The following CDYL2 variants were observed in gnomAD, a reference collection of about 807,000 sequenced individuals.
CDYL2 encodes the protein chromodomain Y like 2.
In CDYL2, 23 loss-of-function variants were observed where a neutral mutation model predicts 49.4. That is an observed-to-expected ratio of 0.47 (90% CI 0.34 to 0.66). CDYL2 has a LOEUF of 0.66. CDYL2 is among the 30% of genes least tolerant of loss of function. CDYL2 has a pLI of 0.01. For synonymous variants in CDYL2, 360 were observed against 268.8 expected (o/e 1.34, Z -3.32); for missense variants, 678 against 656.4 (o/e 1.03, Z -0.36).
rs576812491 is a variant in CDYL2, at chr16:80,735,626, C to T, written c.25-50497G>A. Among the ~76,000 whole-genome samples the T allele has an allele frequency of 2.0e-5, 3 of 152,270 alleles. No homozygotes were observed. In the East Asian group the frequency reaches 5.8e-4, roughly 29 times the overall value. On this transcript the variant is annotated intron_variant, in intron 1 of 6. Transcript: ENST00000570137. ...CAGCCCAGACCCCCAGGGAATGGCCCCCAGGCTCCAACTAGAGCTCTGGTG... is the reference window on the plus strand; with the variant it reads ...CAGCCCAGACCCCCAGGGAATGGCCTCCAGGCTCCAACTAGAGCTCTGGTG...
intron 4 of CDYL2, among the ~76,000 whole-genome samples, chr16:80,618,370 G>A (rs986895229): frequency 5.3e-5 from 8 of 152,212 alleles, no homozygotes; most frequent in Admixed American, 1.3e-4. Flanking sequence ...GTCCAGAGAC[G>A]CACAGATACC....
intron 1 of CDYL2, among the ~76,000 whole-genome samples, chr16:80,718,567 G>A (rs545771582): frequency 3.9e-5 from 6 of 152,278 alleles, no homozygotes; most frequent in Admixed American, 2.0e-4. Flanking sequence ...TTACTGCTCC[G>A]TGACAAGGCA....
intron 1 of CDYL2, among the ~76,000 whole-genome samples, chr16:80,711,323 T>G (rs778322483): frequency 6.6e-6 from 1 of 152,168 alleles, no homozygotes; most frequent in Non-Finnish European, 1.5e-5. Flanking sequence ...TTGAACCATT[T>G]GTGTCAGAAG....
chr16:80,784,787 A>C (rs577155064), intron 1 of CDYL2, among the ~76,000 whole-genome samples: 1 of 152,280 alleles, frequency 6.6e-6, no homozygotes, highest in East Asian at 1.9e-4. Context: ...GATTACAATG[A>C]TCAGTGCTGG....
intron 1 of CDYL2, among the ~76,000 whole-genome samples, chr16:80,751,292 C>G (rs562117798): frequency 1.3e-5 from 2 of 152,314 alleles, no homozygotes; most frequent in East Asian, 3.9e-4. Flanking sequence ...CATTCAAGAG[C>G]TGCCTTGGCA....
intron 1 of CDYL2, among the ~76,000 whole-genome samples, chr16:80,731,080 T>A (rs1158706409): frequency 6.6e-6 from 1 of 152,206 alleles, no homozygotes; most frequent in Non-Finnish European, 1.5e-5. Flanking sequence ...TCAAATGTTA[T>A]GCTTTAAATA....
At chr16:80,698,319 T>C (rs1904284303) in intron 1 of CDYL2, among the ~76,000 whole-genome samples, 1 of 152,002 alleles carries the variant, frequency 6.6e-6, no homozygotes, top group Admixed American at 6.6e-5. Flanking sequence ...AATGAACAAA[T>C]AACCCGCAGA....
At position 80,804,204 on chromosome 16, in the gene CDYL2, G is replaced by T; in HGVS notation, c.-31C>A. ...GCTGCGGAACTTGGCTCGCCGGTGT[G>T]CGCGTCTGCTCGCTCGCGCCCTCCG... On this transcript the variant is annotated 5_prime_UTR_variant, in exon 1 of 7. Transcript: ENST00000570137. The T allele has an allele frequency of 7.5e-7, 1 of 1,340,968 alleles. No homozygotes were observed. Among genetic ancestry groups the T allele is most frequent in the Non-Finnish European group, 9.8e-7 (1 of 1,018,612 alleles). The allele number at this position is 1,340,968 out of a possible 1,614,324, so 83.1% of individuals were successfully genotyped here.
intron 2 of CDYL2, among the ~76,000 whole-genome samples, chr16:80,650,398 C>A (rs950583754): frequency 6.6e-6 from 1 of 152,110 alleles, no homozygotes; most frequent in Admixed American, 6.6e-5. Context: ...AAATGCAAAT[C>A]AAAACTACAA....
Position 80,755,543 on chromosome 16 carries a change from A to G in CDYL2, c.24+48607T>C, listed in dbSNP as rs143955662. On this transcript the variant is annotated intron_variant, in intron 1 of 6. Transcript: ENST00000570137. The stretch of plus-strand genomic sequence containing the variant: ...GGCCAAATCTATCAAAAGCCTAGAA[A>G]ACATCCTTACCCTTTGACCTGCTCA... Among the ~76,000 whole-genome samples the G allele has an allele frequency of 5.3e-3, 802 of 152,328 alleles. 4 individuals are homozygous for G. Among genetic ancestry groups the G allele is most frequent in the African/African-American group, 0.018 (762 of 41,558 alleles).
At chr16:80,762,917 G>A (rs112930568) in intron 1 of CDYL2, among the ~76,000 whole-genome samples, 1 of 152,166 alleles carries the variant, frequency 6.6e-6, no homozygotes, top group Non-Finnish European at 1.5e-5. Flanking sequence ...CAGTACTGCT[G>A]GCCATGAGTT....
chr16:80,704,681 G>T (rs1597088136), intron 1 of CDYL2, among the ~76,000 whole-genome samples: 1 of 152,338 alleles, frequency 6.6e-6, no homozygotes, highest in East Asian at 1.9e-4. Flanking sequence ...GGGCATGCGG[G>T]AGGAGCTCAG....
At chr16:80,604,799 T>C (rs1025396997) in intron 6 of CDYL2, among the ~76,000 whole-genome samples, 1 of 152,214 alleles carries the variant, frequency 6.6e-6, no homozygotes, top group African/African-American at 2.4e-5. Context: ...ACTAGAGGCT[T>C]GCCTGTTGCC....
chr16:80,739,663 C>T (rs1015200225), intron 1 of CDYL2, among the ~76,000 whole-genome samples: 4 of 152,098 alleles, frequency 2.6e-5, no homozygotes, highest in East Asian at 1.9e-4. Flanking sequence ...CCATCCACAC[C>T]GCCACCCACA....
At chr16:80,801,289 C>G (rs1907919773) in intron 1 of CDYL2, among the ~76,000 whole-genome samples, 2 of 152,218 alleles carry the variant, frequency 1.3e-5, no homozygotes, top group South Asian at 4.1e-4. Context: ...CTATCAAGAT[C>G]CAAGATTTTG....
chr16:80,697,722 C>A (rs1422510951), intron 1 of CDYL2, among the ~76,000 whole-genome samples: 2 of 151,966 alleles, frequency 1.3e-5, no homozygotes, highest in Non-Finnish European at 2.9e-5. Context: ...AGTAAAGTTG[C>A]AGGATACAAA....
chr16:80,633,071 G>A lies in CDYL2; in HGVS notation c.782C>T (p.Thr261Met), dbSNP rs778603352. 3.9e-5 allele frequency: 63 copies of A among 1,614,038 alleles called. No homozygotes were observed. Among genetic ancestry groups the A allele is most frequent in the Non-Finnish European group, 4.6e-5 (54 of 1,180,032 alleles). Residue 261 changes from threonine (T) to methionine (M), a missense_variant, in exon 3 of 7, where the codon ACG becomes ATG. Transcript: ENST00000570137. ...GGTCTGACTGGACAGCAGGATGTGC[G>A]TGAACCCTTCTTCCTTCCGCACAAC... ...DIVVRKEEGF[T>M]HILLSSQTSD...
In CDYL2 at chr16:80,684,386, A is replaced by C. The variant is rs1340001540; in HGVS notation, c.616+152T>G. ...AACATGGGCCTACGACCGAGTCCAC[A>C]AAGCTCTAGGTGAGAGAGATGAAGG... On this transcript the variant is annotated intron_variant, in intron 2 of 6. Transcript: ENST00000570137. 4 of 732,960 alleles carry C rather than the reference A, an allele frequency of 5.5e-6. No homozygotes were observed. In the East Asian group the frequency reaches 1.1e-4, roughly 20 times the overall value. 45.4% of individuals were successfully genotyped at this position (732,960 alleles called of 1,614,324 possible).
chr16:80,717,791 C>G (rs2142520645), intron 1 of CDYL2, among the ~76,000 whole-genome samples: 1 of 152,306 alleles, frequency 6.6e-6, no homozygotes, highest in East Asian at 1.9e-4. Context: ...GTGTGCAAAG[C>G]AAATACTGAA....
Sources: allele counts gnomAD v4.1 joint callset (sites outside exome capture counted in the v4.1 genomes callset), GRCh38; gene constraint gnomAD v4.1.1; transcripts MANE v1.5; gene names NCBI Gene and HGNC (gene_info 2026-07-23, HGNC 2026-07-21).